Variants in ANO10 observed in about 807,000 individuals in gnomAD.
ANO10 encodes the protein anoctamin 10.
Under a neutral mutation model 74.7 loss-of-function variants are expected in ANO10, and 77 were observed. That is an observed-to-expected ratio of 1.03 (90% CI 0.86 to 1.25). The LOEUF (loss-of-function observed/expected upper bound fraction) is 1.25. ANO10 is among the 50% of genes most tolerant of loss of function. ANO10 has a pLI of 0.00. For missense variants in ANO10, 721 were observed against 778.1 expected, an observed-to-expected ratio of 0.93 and a Z score of 0.87; for synonymous variants, 279 against 284.9, an observed-to-expected ratio of 0.98 and a Z score of 0.21.
At chr3:43,454,504 A>G (rs911658047) in intron 11 of ANO10, among the ~76,000 whole-genome samples, 2 of 152,126 alleles carry the variant, frequency 1.3e-5, no homozygotes, top group African/African-American at 4.8e-5. Context: ...AAGCACACAC[A>G]ACAAAACACA....
chr3:43,460,953 A>C (rs1270931852), intron 11 of ANO10, among the ~76,000 whole-genome samples: 1 of 152,094 alleles, frequency 6.6e-6, no homozygotes, highest in East Asian at 1.9e-4. Context: ...TGAGGAATCT[A>C]ATCTAAGAAT....
intron 12 of ANO10, among the ~76,000 whole-genome samples, chr3:43,372,282 C>A (rs983688444): frequency 7.2e-5 from 11 of 152,200 alleles, no homozygotes; most frequent in East Asian, 3.9e-4. Context: ...ACCTGTCACA[C>A]ACGCACTGCT....
intron 1 of ANO10, chr3:43,638,728 C>G (rs559029618): frequency 1.3e-5 from 2 of 152,198 alleles, no homozygotes. Flanking sequence ...TGCACCACAG[C>G]GCCATCAAGT....
intron 3 of ANO10, 143 bp from the exon 4 acceptor site, chr3:43,598,809 G>A: frequency 1.5e-6 from 1 of 684,960 alleles, no homozygotes; most frequent in Non-Finnish European, 2.3e-6. Context: ...AAATTAAATA[G>A]AACATAAAGC....
At chr3:43,460,751 T>C (rs2075341289) in intron 11 of ANO10, among the ~76,000 whole-genome samples, 1 of 151,784 alleles carries the variant, frequency 6.6e-6, no homozygotes, top group Non-Finnish European at 1.5e-5. Flanking sequence ...TGAATCCAGA[T>C]GAAACAGATA....
In ANO10 at chr3:43,501,572, C is replaced by T. The variant is rs928100525; in HGVS notation, c.1797+48148G>A. ...AGGTCAAAGCTTCTTAGTAGAGAGG[C>T]AGAGGAAAGCAAAGGGAAGAGAGGT... On this transcript the variant is annotated intron_variant, in intron 11 of 12. Transcript: ENST00000292246. Among the ~76,000 whole-genome samples the T allele has an allele frequency of 5.3e-5, 8 of 152,050 alleles. 1 individual carries two copies. The highest frequency in any genetic ancestry group is 3.3e-4 in the Admixed American group (5 of 15,264).
intron 11 of ANO10, among the ~76,000 whole-genome samples, chr3:43,538,614 A>C (rs541150595): frequency 6.6e-6 from 1 of 152,204 alleles, no homozygotes; most frequent in Non-Finnish European, 1.5e-5. Flanking sequence ...AGGACTGAAG[A>C]AACGGAAAAA....
intron 11 of ANO10, among the ~76,000 whole-genome samples, chr3:43,464,182 C>T (rs939545009): frequency 2.0e-5 from 3 of 152,060 alleles, no homozygotes; most frequent in Admixed American, 1.3e-4. Flanking sequence ...CAATCCTACA[C>T]AGCCTCTCTC....
chr3:43,499,910 C>A (rs1485595730), intron 11 of ANO10, among the ~76,000 whole-genome samples: 3 of 151,896 alleles, frequency 2.0e-5, no homozygotes, highest in Non-Finnish European at 4.4e-5. Context: ...CGGCTCACTG[C>A]AACCTCCGCC....
chr3:43,524,939 A>G (rs2078122989), intron 11 of ANO10, among the ~76,000 whole-genome samples: 1 of 152,134 alleles, frequency 6.6e-6, no homozygotes, highest in East Asian at 1.9e-4. Context: ...CCTTCCCTAG[A>G]ACCACTGCAG....
At chr3:43,653,133 C>G (rs1430305305) in intron 1 of ANO10, 2 of 152,080 alleles carry the variant, frequency 1.3e-5, no homozygotes, top group Non-Finnish European at 2.9e-5. Context: ...ATCACTTGAA[C>G]CCGGGAGGTA....
At position 43,614,771 on chromosome 3, in the gene ANO10, C is replaced by CTATATATATA. The variant is rs61084802; in HGVS notation, c.-12+7128_-12+7137dup. ...CCCAAATTCTTAGAAGAAAACTAAA[C>CTATATATATA]TATATATATATATATATATATATAT... On this transcript the variant is annotated intron_variant, in intron 1 of 12. Transcript: ENST00000292246. Among the ~76,000 whole-genome samples the CTATATATATA allele has an allele frequency of 4.5e-3, 238 of 52,684 alleles. 13 individuals carry two copies. The highest frequency in any genetic ancestry group is 1.0e-2 in the African/African-American group (204 of 20,480). 34.6% of individuals were successfully genotyped at this position (52,684 alleles called of 152,430 possible).
upstream of ANO10, among the ~76,000 whole-genome samples, chr3:43,622,221 C>T (rs1289559393): frequency 6.6e-6 from 1 of 152,172 alleles, no homozygotes; most frequent in Non-Finnish European, 1.5e-5. Flanking sequence ...GAAAAAAAGG[C>T]AGCCCTCATT....
intron 4 of ANO10, among the ~76,000 whole-genome samples, chr3:43,591,775 G>A (rs888752835): frequency 6.6e-6 from 1 of 152,152 alleles, no homozygotes; most frequent in Non-Finnish European, 1.5e-5. Flanking sequence ...TGCAGCGCAC[G>A]GACAGAGCCG....
At chr3:43,372,357 C>T (rs2091644613) in intron 12 of ANO10, among the ~76,000 whole-genome samples, 1 of 152,198 alleles carries the variant, frequency 6.6e-6, no homozygotes, top group African/African-American at 2.4e-5. Context: ...CCATCCCACT[C>T]TTGTCTCAAG....
chr3:43,449,365 C>A (rs1373598649), intron 11 of ANO10, among the ~76,000 whole-genome samples: 1 of 151,956 alleles, frequency 6.6e-6, no homozygotes, highest in Non-Finnish European at 1.5e-5. Context: ...GCTTTTGGAA[C>A]TGAATTTAAA....
intron 2 of ANO10, among the ~76,000 whole-genome samples, chr3:43,601,613 T>C (rs1214484909): frequency 6.6e-6 from 1 of 152,230 alleles, no homozygotes. Flanking sequence ...TATATTTCTT[T>C]TATCAAATGG....
intron 12 of ANO10, among the ~76,000 whole-genome samples, chr3:43,393,084 C>T (rs1041973361): frequency 6.6e-6 from 1 of 152,248 alleles, no homozygotes; most frequent in Non-Finnish European, 1.5e-5. Context: ...CATGCACACC[C>T]ATGGCCTCAG....
In ANO10 at chr3:43,568,322, G is replaced by A. The variant is rs554869132; in HGVS notation, c.1219-2595C>T. Among the ~76,000 whole-genome samples the A allele has an allele frequency of 2.0e-5, 3 of 152,236 alleles. No individual in the cohort carries two copies. The South Asian group carries it at 6.2e-4, about 32-fold the overall frequency. On this transcript the variant is annotated intron_variant, in intron 7 of 12. Transcript: ENST00000292246. ...ATACCCAGGAATTGAACTCAGCTCT[G>A]CACCAAGTGGACCTAATAGACATCT... is the stretch of plus-strand genomic sequence containing the variant.
Sources: allele counts gnomAD v4.1 joint callset (sites outside exome capture counted in the v4.1 genomes callset), GRCh38; gene constraint gnomAD v4.1.1; transcripts MANE v1.5; gene names NCBI Gene and HGNC (gene_info 2026-07-23, HGNC 2026-07-21).